Variants in AKAP12 observed in about 807,000 individuals in gnomAD.
The protein encoded by AKAP12 is A-kinase anchor protein 12.
Under a neutral mutation model 79.9 loss-of-function variants are expected in AKAP12, and 32 were observed. The observed-to-expected ratio is 0.40, with a 90% CI of 0.30 to 0.54. The LOEUF is 0.54. Among genes scored for constraint, AKAP12 ranks in the 20% least tolerant of loss-of-function variants. AKAP12 has a pLI of 0.48. For synonymous variants in AKAP12, 808 were observed against 857.0 expected, an observed-to-expected ratio of 0.94 and a Z score of 1.00; for missense variants, 2,074 against 2,177.0, an observed-to-expected ratio of 0.95 and a Z score of 0.94.
At chr6:151,345,789 C>G (rs1476066221) in intron 3 of AKAP12, among the ~76,000 whole-genome samples, 2 of 127,254 alleles carry the variant, frequency 1.6e-5, no homozygotes, top group South Asian at 5.0e-4. Flanking sequence ...GAGACTCTGT[C>G]TTAAAAAAAA....
intron 2 of AKAP12, among the ~76,000 whole-genome samples, chr6:151,275,181 T>A (rs1776268351): frequency 6.6e-6 from 1 of 152,144 alleles, no homozygotes; most frequent in Non-Finnish European, 1.5e-5. Flanking sequence ...GTGACACTGG[T>A]TGTACTCCCC....
intron 2 of AKAP12, among the ~76,000 whole-genome samples, chr6:151,241,567 AT>A (rs1195347249): frequency 1.3e-5 from 2 of 152,270 alleles, no homozygotes; most frequent in Admixed American, 6.5e-5. Context: ...CAAGGCTGGA[AT>A]ATTTCTTGTG....
intron 2 of AKAP12, among the ~76,000 whole-genome samples, chr6:151,299,359 C>T (rs9479008): frequency 0.28 from 42,552 of 151,972 alleles, 6,302 homozygotes; most frequent in East Asian, 0.43. Context: ...ATTTTCACTT[C>T]TACAGTGATA....
Position 151,351,709 on chromosome 6 carries a change from T to C in AKAP12, c.3318T>C (p.Phe1106=). ...VDAQEAKTEP[F]TQGKVVGQTT... is the part of the protein sequence containing the mutation. ...CTCAGGAGGCAAAAACTGAGCCTTTTACACAAGGGAAGGTGGTGGGGCAGA... is the reference window on the plus strand; with the variant it reads ...CTCAGGAGGCAAAAACTGAGCCTTTCACACAAGGGAAGGTGGTGGGGCAGA... The change falls in exon 4 of 5, where the codon TTT becomes TTC. Residue 1106 remains phenylalanine, a synonymous_variant. Transcript: ENST00000402676. The surrounding 1 kb of genome is among the most constrained non-coding windows in gnomAD (Gnocchi z 4.4). 6.2e-7 allele frequency: 1 copy of C among 1,614,168 alleles called. No individual in the cohort carries two copies. The highest frequency in any genetic ancestry group is 1.1e-5 in the South Asian group (1 of 91,080).
In AKAP12 at chr6:151,351,153, C is replaced by T. The variant is rs751635965; in HGVS notation, c.2762C>T (p.Pro921Leu). Residue 921 changes from proline to leucine, a missense_variant, in exon 4 of 5, where the codon CCT (proline) becomes CTT (leucine). Around this residue, in one of 3 missense-constraint regions of AKAP12, gnomAD observed 1,428 missense variants for 1,451.0 expected, o/e 0.98. Transcript: ENST00000402676. The surrounding 1 kb of genome is among the most constrained non-coding windows in gnomAD (Gnocchi z 4.4). Reference protein sequence around the residue: ...PSWISASVTEPLEQVEAEAAL... With the variant: ...PSWISASVTELLEQVEAEAAL... ...TGGATATCTGCTTCAGTGACAGAAC[C>T]TCTTGAACAAGTAGAAGCTGAAGCC... The T allele has an allele frequency of 6.2e-7, 1 of 1,614,204 alleles. No individual in the cohort carries two copies. Among genetic ancestry groups the T allele is most frequent in the South Asian group, 1.1e-5 (1 of 91,088 alleles).
chr6:151,331,923 A>G (rs1353456066), intron 3 of AKAP12, among the ~76,000 whole-genome samples: 3 of 150,644 alleles, frequency 2.0e-5, no homozygotes, highest in Non-Finnish European at 4.4e-5. Context: ...GAGTACTAGT[A>G]GCACGATCAT....
rs528807049 is a variant in AKAP12, at chr6:151,356,402, A to G, written c.*688A>G. ...CAGAATGTTCTATTGTCATTGGGAA[A>G]TTTTTCTTTCTAACCCAGTGGAGGT... is the stretch of plus-strand genomic sequence containing the variant. On this transcript the variant is annotated 3_prime_UTR_variant, in exon 5 of 5. Coordinates refer to ENST00000402676, the MANE Select transcript of AKAP12 (RefSeq NM_005100.4). 18 of 152,420 alleles carry G rather than the reference A, an allele frequency of 1.2e-4. No homozygotes were observed. Among genetic ancestry groups the G allele is most frequent in the African/African-American group, 4.3e-4 (18 of 41,576 alleles). 9.4% of individuals were successfully genotyped at this position (152,420 alleles called of 1,614,324 possible).
rs1313662483 is a variant in AKAP12 at position 151,241,061 on chromosome 6, G to A, written c.162+337G>A. Among the ~76,000 whole-genome samples the A allele has an allele frequency of 2.0e-5, 3 of 152,306 alleles. No individual in the cohort carries two copies. In the East Asian group the frequency reaches 5.8e-4, roughly 30 times the overall value. ...CGGTGGGAGCCATGCAGCCCGAGGC[G>A]GAGGAGCTGCGCGGAGGGGGATCCG... On this transcript the variant is annotated intron_variant, in intron 2 of 4. Transcript: ENST00000402676.
chr6:151,343,681 A>C (rs748640654), intron 3 of AKAP12, among the ~76,000 whole-genome samples: 1 of 152,098 alleles, frequency 6.6e-6, no homozygotes, highest in Non-Finnish European at 1.5e-5. Flanking sequence ...CTACTTGGGA[A>C]GCTGAGGCAG....
At chr6:151,273,889 T>C (rs1388717950) in intron 2 of AKAP12, among the ~76,000 whole-genome samples, 1 of 151,648 alleles carries the variant, frequency 6.6e-6, no homozygotes, top group Non-Finnish European at 1.5e-5. Context: ...ATTAGCCGGG[T>C]ATGGTGGCGT....
intron 3 of AKAP12, among the ~76,000 whole-genome samples, chr6:151,326,622 A>C (rs1777534964): frequency 6.6e-6 from 1 of 152,154 alleles, no homozygotes; most frequent in Non-Finnish European, 1.5e-5. Flanking sequence ...TCAAACTTTT[A>C]GAATGCTCTT....
intron 2 of AKAP12, among the ~76,000 whole-genome samples, chr6:151,250,600 T>A (rs1409119433): frequency 1.3e-5 from 2 of 151,640 alleles, no homozygotes; most frequent in African/African-American, 4.8e-5. Flanking sequence ...TTAAAAATGG[T>A]CAGATATTTT....
chr6:151,297,026 T>G (rs543742030), intron 2 of AKAP12, among the ~76,000 whole-genome samples: 2 of 151,292 alleles, frequency 1.3e-5, no homozygotes, highest in East Asian at 3.9e-4. Flanking sequence ...AGGGTTTTTT[T>G]TTTTTTTTTT....
chr6:151,269,300 T>C (rs990592024), intron 2 of AKAP12, among the ~76,000 whole-genome samples: 2 of 152,146 alleles, frequency 1.3e-5, no homozygotes, highest in Admixed American at 6.6e-5. Context: ...TTCAATTTTA[T>C]ATTTTTTTCT....
At position 151,348,942 on chromosome 6, in the gene AKAP12, C is replaced by G. The variant is rs773003523; in HGVS notation, c.551C>G (p.Thr184Ser). The G allele has an allele frequency of 6.2e-7, 1 of 1,613,878 alleles. No homozygotes were observed. Among genetic ancestry groups the G allele is most frequent in the African/African-American group, 1.3e-5 (1 of 74,954 alleles). ...TTTAAGTTTGTTGGCTTTAAATTCA[C>G]TGTGAAAAAGGATAAGACAGAGAAG... ...KVFKFVGFKF[T>S]VKKDKTEKPD... is the part of the protein sequence containing the mutation. The change falls in exon 4 of 5, where the codon ACT becomes AGT. Residue 184 changes from threonine to serine, a missense_variant. By Grantham distance (58) the Thr-to-Ser change is moderately conservative. Around this residue, in one of 3 missense-constraint regions of AKAP12, gnomAD observed 1,428 missense variants for 1,451.0 expected, o/e 0.98. Transcript: ENST00000402676.
chr6:151,281,259 G>A (rs1026247064), intron 2 of AKAP12, among the ~76,000 whole-genome samples: 3 of 152,214 alleles, frequency 2.0e-5, no homozygotes, highest in Non-Finnish European at 4.4e-5. Context: ...TTTACAAGTT[G>A]TGCTAATTTT....
At chr6:151,323,654 A>C in intron 3 of AKAP12, 1 of 965,686 alleles carries the variant, frequency 1.0e-6, no homozygotes, top group Non-Finnish European at 1.2e-6. Context: ...GTGACCTTTG[A>C]AAATGTTGTT....
intron 2 of AKAP12, among the ~76,000 whole-genome samples, chr6:151,246,441 C>CA (rs1274650140): frequency 6.6e-6 from 1 of 152,098 alleles, no homozygotes; most frequent in Non-Finnish European, 1.5e-5. Flanking sequence ...AAAACAAAAA[C>CA]AAAAAATTTA....
At chr6:151,288,359 A>C (rs1776548628) in intron 2 of AKAP12, among the ~76,000 whole-genome samples, 1 of 152,122 alleles carries the variant, frequency 6.6e-6, no homozygotes, top group South Asian at 2.1e-4. Flanking sequence ...TACGAAAAAT[A>C]CAAAAAAATT....
Sources: gnomAD v4.1 joint callset for allele counts (sites outside exome capture counted in the v4.1 genomes callset) on GRCh38, gnomAD v4.1.1 for gene constraint, gnomAD v4.1.1 regional missense constraint, Gnocchi (gnomAD v3.1) non-coding constraint, MANE v1.5 for transcripts, NCBI Gene and HGNC (gene_info 2026-07-23, HGNC 2026-07-21) for gene names.